The following ADGRL3 variants were observed in gnomAD, a reference collection of about 807,000 sequenced individuals.
ADGRL3 encodes adhesion G protein-coupled receptor L3.
In ADGRL3, 62 loss-of-function variants were observed where a neutral mutation model predicts 153.5. The observed-to-expected ratio is 0.40, with a 90% CI of 0.33 to 0.50. The LOEUF (loss-of-function observed/expected upper bound fraction) is 0.50, where lower values mean the gene tolerates loss of function less well. Ranked by LOEUF, ADGRL3 falls within the 20% of genes least tolerant of loss-of-function variation. ADGRL3 has a pLI of 0.47. For synonymous variants in ADGRL3, 710 were observed against 672.5 expected (o/e 1.06, Z -0.86); for missense variants, 1,641 against 1,859.4 (o/e 0.88, Z 2.16).
intron 9 of ADGRL3, among the ~76,000 whole-genome samples, chr4:61,859,769 T>TGTA (rs2098321297): frequency 6.6e-6 from 1 of 152,218 alleles, no homozygotes; most frequent in South Asian, 2.1e-4. Context: ...TTCTGTGGTG[T>TGTA]GTAGTACTAA....
chr4:61,734,381 A>G (rs1469375491), intron 8 of ADGRL3, among the ~76,000 whole-genome samples: 1 of 152,216 alleles, frequency 6.6e-6, no homozygotes, highest in Non-Finnish European at 1.5e-5. Context: ...TATAAAAGAA[A>G]GAGGTTTAAT....
intron 21 of ADGRL3, among the ~76,000 whole-genome samples, chr4:62,004,972 TGTA>T (rs1389432401): frequency 2.0e-5 from 3 of 152,122 alleles, no homozygotes; most frequent in Non-Finnish European, 4.4e-5. Context: ...GCAATCCAAG[TGTA>T]TTTAAAGAGT....
Position 61,781,598 on chromosome 4 carries a change from A to C in ADGRL3, c.1400-32211A>C, listed in dbSNP as rs144032657. 1.7e-3 allele frequency among the ~76,000 whole-genome samples: 255 copies of C among 152,272 alleles called. 1 individual carries two copies. The highest frequency in any genetic ancestry group is 6.0e-3 in the African/African-American group (250 of 41,558). ...CGACTCTAACTCCAATTTAGAAATG[A>C]AAATACAGTCATTGATTTTTGTTAC... On this transcript the variant is annotated intron_variant, in intron 8 of 26. Coordinates refer to ENST00000683033, the MANE Select transcript of ADGRL3 (RefSeq NM_001387552.1).
At position 62,003,190 on chromosome 4, in the gene ADGRL3, G is replaced by A. The variant is rs148548241; in HGVS notation, c.3395+4925G>A. 2.8e-4 allele frequency among the ~76,000 whole-genome samples: 42 copies of A among 152,162 alleles called. No individual in the cohort carries two copies. The South Asian group carries it at 3.3e-3, about 12-fold the overall frequency. ...TGCTTTTCTGTATCCGTCCCTTTGCGCCTTCTCATCAAAGGACTTCTGCAT... is the reference window on the plus strand; with the variant it reads ...TGCTTTTCTGTATCCGTCCCTTTGCACCTTCTCATCAAAGGACTTCTGCAT... On this transcript the variant is annotated intron_variant, in intron 21 of 26. Transcript: ENST00000683033.
At chr4:61,249,681 T>G (rs1004918137) in intron 1 of ADGRL3, among the ~76,000 whole-genome samples, 1 of 152,170 alleles carries the variant, frequency 6.6e-6, no homozygotes, top group Non-Finnish European at 1.5e-5. Flanking sequence ...GCTGAAAACG[T>G]TGGGAAACGT....
At chr4:61,590,232 C>T (rs943322438) in intron 5 of ADGRL3, among the ~76,000 whole-genome samples, 1 of 152,018 alleles carries the variant, frequency 6.6e-6, no homozygotes, top group Non-Finnish European at 1.5e-5. Context: ...AGGCAGACTG[C>T]CTGTTGATTT....
chr4:61,296,633 A>C lies in ADGRL3; in HGVS notation c.-239-86491A>C, dbSNP rs549659353. 2.6e-5 allele frequency among the ~76,000 whole-genome samples: 4 copies of C among 152,308 alleles called. No homozygotes were observed. The South Asian group carries it at 8.3e-4, about 32-fold the overall frequency. Reference sequence around the variant, plus strand: ...TTTCTCAGAAAATCAAGATTACTTCATGTCAAAACAGTGTTGTCAGAAAAT... The same window carrying C: ...TTTCTCAGAAAATCAAGATTACTTCCTGTCAAAACAGTGTTGTCAGAAAAT... On this transcript the variant is annotated intron_variant, in intron 1 of 26. Transcript: ENST00000683033.
At chr4:61,989,274 A>G (rs1471890912) in intron 19 of ADGRL3, among the ~76,000 whole-genome samples, 1 of 152,102 alleles carries the variant, frequency 6.6e-6, no homozygotes, top group Non-Finnish European at 1.5e-5. Context: ...ATAGAGAATC[A>G]TATTTTCACT....
chr4:61,277,287 G>T (rs903413038), intron 1 of ADGRL3, among the ~76,000 whole-genome samples: 4 of 152,104 alleles, frequency 2.6e-5, no homozygotes, highest in Non-Finnish European at 5.9e-5. Context: ...CTAGAGCTAT[G>T]AATGCGATTT....
intron 4 of ADGRL3, among the ~76,000 whole-genome samples, chr4:61,536,821 CT>C (rs889269134): frequency 1.2e-4 from 18 of 151,916 alleles, no homozygotes; most frequent in African/African-American, 3.9e-4. Flanking sequence ...ATGGTAGGCT[CT>C]TTTTTTTCCC....
At chr4:61,665,536 A>G (rs1256779488) in intron 5 of ADGRL3, among the ~76,000 whole-genome samples, 6 of 152,202 alleles carry the variant, frequency 3.9e-5, no homozygotes, top group African/African-American at 1.4e-4. Flanking sequence ...TTAAGACCAT[A>G]AGAAAAATCC....
chr4:61,518,864 T>G (rs2098513769), intron 4 of ADGRL3, among the ~76,000 whole-genome samples: 1 of 152,336 alleles, frequency 6.6e-6, no homozygotes, highest in Non-Finnish European at 1.5e-5. Flanking sequence ...CCTTTCTGTT[T>G]TATTTGTATT....
rs188863472 is a variant in ADGRL3 at position 62,038,725 on chromosome 4, C to T, written c.3717+869C>T. Among the ~76,000 whole-genome samples the T allele has an allele frequency of 4.8e-4, 73 of 152,238 alleles. 2 individuals are homozygous for T. In the East Asian group the frequency reaches 0.012, roughly 25 times the overall value. ...CGAGCAATCTTCCCACGTCAGCCTC[C>T]AGCCTCCCGAGTAGCTGGGACCACA... On this transcript the variant is annotated intron_variant, in intron 24 of 26. Coordinates refer to ENST00000683033, the MANE Select transcript of ADGRL3 (RefSeq NM_001387552.1).
At chr4:61,749,492 A>T in intron 8 of ADGRL3, among the ~76,000 whole-genome samples, 1 of 152,234 alleles carries the variant, frequency 6.6e-6, no homozygotes. Flanking sequence ...GGATTAAGAA[A>T]ATGTGGCACA....
At chr4:62,041,017 G>A (rs1223999557) in intron 24 of ADGRL3, among the ~76,000 whole-genome samples, 3 of 151,824 alleles carry the variant, frequency 2.0e-5, no homozygotes, top group African/African-American at 4.8e-5. Flanking sequence ...GAATGAGATA[G>A]AAAGTCAAGG....
rs146199258 is a variant in ADGRL3 at position 61,395,077 on chromosome 4, C to T, written c.-174+11888C>T. On this transcript the variant is annotated intron_variant, in intron 2 of 26. Transcript: ENST00000683033. ...CACAAATAAAAATTTTAATAGATTA[C>T]GTTTCATTTCAATTTAATTTCATAC... Among the ~76,000 whole-genome samples, 351 of 152,072 alleles carry T rather than the reference C, an allele frequency of 2.3e-3. 2 individuals carry two copies. The highest frequency in any genetic ancestry group is 6.5e-3 in the African/African-American group (269 of 41,538).
At chr4:61,541,977 G>A (rs554930121) in intron 4 of ADGRL3, among the ~76,000 whole-genome samples, 1 of 152,164 alleles carries the variant, frequency 6.6e-6, no homozygotes, top group African/African-American at 2.4e-5. Context: ...GTGATGTGGG[G>A]TCGTGGCCAA....
chr4:61,436,023 A>C (rs1475030301), intron 2 of ADGRL3, among the ~76,000 whole-genome samples: 1 of 152,186 alleles, frequency 6.6e-6, no homozygotes, highest in African/African-American at 2.4e-5. Flanking sequence ...ATGGGAATTC[A>C]AATTAAAAAC....
chr4:62,001,468 A>G (rs751221288), intron 21 of ADGRL3, among the ~76,000 whole-genome samples: 4 of 152,220 alleles, frequency 2.6e-5, no homozygotes, highest in Non-Finnish European at 5.9e-5. Flanking sequence ...AAGAAAAACA[A>G]CAAGGAAGGT....
Sources: gnomAD v4.1 joint callset for allele counts (sites outside exome capture counted in the v4.1 genomes callset) on GRCh38, gnomAD v4.1.1 for gene constraint, MANE v1.5 for transcripts, NCBI Gene and HGNC (gene_info 2026-07-23, HGNC 2026-07-21) for gene names.